Variants in TBCD observed in about 807,000 individuals in gnomAD.
The protein encoded by TBCD is tubulin folding cofactor D, also known as tubulin-specific chaperone D.
Under a neutral mutation model 169.3 loss-of-function variants are expected in TBCD, and 105 were observed. That is an observed-to-expected ratio of 0.62 (90% CI 0.53 to 0.73). The LOEUF (loss-of-function observed/expected upper bound fraction) is 0.73. Among genes scored for constraint, TBCD ranks in the 30% least tolerant of loss-of-function variants. The pLI, the probability that TBCD is intolerant of heterozygous loss-of-function variation, is 0.00. For missense variants in TBCD, 1,444 were observed against 1,600.1 expected (o/e 0.90, Z 1.66); for synonymous variants, 700 against 643.9 (o/e 1.09, Z -1.32).
intron 13 of TBCD, chr17:82,830,813 C>T (rs1472455890): frequency 2.5e-6 from 4 of 1,613,386 alleles, no homozygotes; most frequent in Admixed American, 3.3e-5. Flanking sequence ...CTGGAAGGCG[C>T]GGCCTCCGAG....
rs1397075706 is a variant in TBCD, at chr17:82,831,829, G to A, written c.1318+16895G>A. 1.2e-6 allele frequency: 2 copies of A among 1,614,118 alleles called. No homozygotes were observed. Among genetic ancestry groups the A allele is most frequent in the East Asian group, 2.2e-5 (1 of 44,896 alleles). ...CTCTGGTGGAAGGAAAGGTGAGCCG[G>A]CTTTCCAGGGGTAGCCAGGAGTGTG... On this transcript the variant is annotated intron_variant, in intron 13 of 38. Transcript: ENST00000355528. The surrounding 1 kb of genome is among the most constrained non-coding windows in gnomAD (Gnocchi z 4.6).
chr17:82,825,068 T>A (rs972822343), intron 13 of TBCD, among the ~76,000 whole-genome samples: 32 of 152,180 alleles, frequency 2.1e-4, no homozygotes, highest in African/African-American at 7.7e-4. Flanking sequence ...TGTCGGAGTG[T>A]AGAATTTTCA....
intron 7 of TBCD, among the ~76,000 whole-genome samples, chr17:82,792,013 T>C (rs766547587): frequency 2.0e-5 from 3 of 151,970 alleles, no homozygotes; most frequent in Non-Finnish European, 4.4e-5. Context: ...AAAGGTACAG[T>C]AAAAATATAT....
At chr17:82,821,343 A>G (rs1030770141) in intron 13 of TBCD, among the ~76,000 whole-genome samples, 8 of 151,290 alleles carry the variant, frequency 5.3e-5, no homozygotes, top group African/African-American at 1.5e-4. Flanking sequence ...ATCTGTGAGC[A>G]TATTTTTGTC....
chr17:82,860,968 T>C (rs1311758964), intron 13 of TBCD, among the ~76,000 whole-genome samples: 1 of 152,116 alleles, frequency 6.6e-6, no homozygotes, highest in Non-Finnish European at 1.5e-5. Context: ...CGGGGGGAGC[T>C]CTTCAGAATC....
chr17:82,777,577 C>T (rs919511179), intron 6 of TBCD, among the ~76,000 whole-genome samples: 1 of 152,182 alleles, frequency 6.6e-6, no homozygotes, highest in African/African-American at 2.4e-5. Flanking sequence ...TGCCTGGCAG[C>T]CGAGGCAGAG....
At chr17:82,899,868 A>G (rs1030696785) in intron 17 of TBCD, among the ~76,000 whole-genome samples, 5 of 152,216 alleles carry the variant, frequency 3.3e-5, no homozygotes, top group African/African-American at 1.2e-4. Flanking sequence ...CTGAATACTG[A>G]TGTTGGACAT....
At chr17:82,938,846 T>TTGGTTAATAGATAGCGGGC (rs796779074) in intron 36 of TBCD, among the ~76,000 whole-genome samples, 5 of 93,724 alleles carry the variant, frequency 5.3e-5, no homozygotes, top group South Asian at 4.4e-4. Flanking sequence ...AGAGAGCAGG[T>TTGGTTAATAGATAGCGGGC]GAGATTGCTT....
At position 82,903,699 on chromosome 17, in the gene TBCD, G is replaced by A. The variant is rs1041109419; in HGVS notation, c.1804+221G>A. Among the ~76,000 whole-genome samples, 1 of 152,224 alleles carries A rather than the reference G, an allele frequency of 6.6e-6. No individual in the cohort carries two copies. Among genetic ancestry groups the A allele is most frequent in the East Asian group, 1.9e-4 (1 of 5,194 alleles). On this transcript the variant is annotated intron_variant, in intron 19 of 38. Transcript: ENST00000355528. The surrounding 1 kb of genome is among the most constrained non-coding windows in gnomAD (Gnocchi z 4.8). ...GCAGGGAGCCGCTGAACTGTGTTACGTACACCGGAGCCCGTGATGGTCCCG... is the reference window on the plus strand; with the variant it reads ...GCAGGGAGCCGCTGAACTGTGTTACATACACCGGAGCCCGTGATGGTCCCG...
chr17:82,847,356 GA>G (rs1041994030), intron 13 of TBCD, among the ~76,000 whole-genome samples: 37,262 of 82,052 alleles, frequency 0.45, 5,348 homozygotes, highest in East Asian at 0.5. Context: ...CCATGTCAAA[GA>G]AAAAAAAAAA....
chr17:82,878,591 C>T (rs1000307873), intron 14 of TBCD, among the ~76,000 whole-genome samples: 2 of 152,230 alleles, frequency 1.3e-5, no homozygotes, highest in African/African-American at 4.8e-5. Flanking sequence ...TGCCCCACAA[C>T]GGGTCCTGCG....
chr17:82,888,042 G>A (rs142852976), intron 15 of TBCD, among the ~76,000 whole-genome samples: 2 of 152,154 alleles, frequency 1.3e-5, no homozygotes, highest in Admixed American at 6.5e-5. Flanking sequence ...TCATCTTTCC[G>A]TCCTCTTCAT....
rs995141127 is a variant in TBCD at position 82,943,572 on chromosome 17, C to T, written c.*1109C>T. ...CCTGGACACAGGAACATGGGCAGGC[C>T]GAGAACTGGGAGGTGCCACCGCATC... On this transcript the variant is annotated 3_prime_UTR_variant, in exon 39 of 39. Coordinates refer to ENST00000355528, the MANE Select transcript of TBCD (RefSeq NM_005993.5). 2 of 152,210 alleles carry T rather than the reference C, an allele frequency of 1.3e-5. No individual in the cohort carries two copies. Among genetic ancestry groups the T allele is most frequent in the African/African-American group, 4.8e-5 (2 of 41,394 alleles). 9.4% of individuals were successfully genotyped at this position (152,210 alleles called of 1,614,324 possible).
At chr17:82,940,940 G>A (rs551622219) in intron 37 of TBCD, among the ~76,000 whole-genome samples, 137 of 151,956 alleles carry the variant, frequency 9.0e-4, no homozygotes, top group African/African-American at 3.3e-3. Context: ...TTCTCCTATC[G>A]TTTAATCCCC....
chr17:82,777,442 C>T (rs138650676), intron 6 of TBCD, among the ~76,000 whole-genome samples: 1,527 of 152,238 alleles, frequency 0.01, 20 homozygotes, highest in African/African-American at 0.035. Context: ...GTAGCGGCCC[C>T]GAATGCCAGG....
At chr17:82,767,950 T>A (rs1237095697) in intron 4 of TBCD, among the ~76,000 whole-genome samples, 1 of 147,536 alleles carries the variant, frequency 6.8e-6, no homozygotes, top group African/African-American at 2.5e-5. Context: ...CGAGACTCCA[T>A]CTCAAAAAAA....
intron 2 of TBCD, among the ~76,000 whole-genome samples, chr17:82,756,930 C>T (rs1460091224): frequency 6.6e-6 from 1 of 152,154 alleles, no homozygotes; most frequent in East Asian, 1.9e-4. Context: ...GTTGTCATCT[C>T]CAGTTTACAG....
intron 21 of TBCD, among the ~76,000 whole-genome samples, chr17:82,908,620 A>T (rs116844427): frequency 6.6e-6 from 1 of 152,204 alleles, no homozygotes. Context: ...TTGTTTGCTT[A>T]CATTTTTCAC....
chr17:82,940,422 G>C (rs1195038819), intron 37 of TBCD, among the ~76,000 whole-genome samples: 1 of 152,150 alleles, frequency 6.6e-6, no homozygotes, highest in Admixed American at 6.5e-5. Flanking sequence ...ATCCCGGTGC[G>C]TTGCTACAGG....
Sources: allele counts gnomAD v4.1 joint callset (sites outside exome capture counted in the v4.1 genomes callset), GRCh38; gene constraint gnomAD v4.1.1; non-coding constraint Gnocchi (gnomAD v3.1); transcripts MANE v1.5; gene names NCBI Gene and HGNC (gene_info 2026-07-23, HGNC 2026-07-21).